ANK3: variants seen among roughly 807,000 people sequenced by gnomAD.
ANK3 encodes the protein ankyrin-3.
ANK3 carries 57 observed loss-of-function variants against 370.9 expected under a neutral mutation model. The ratio of observed to expected loss-of-function variants is 0.15; its 90% confidence interval spans 0.12 to 0.19. The LOEUF (loss-of-function observed/expected upper bound fraction) is 0.19. Ranked by LOEUF, ANK3 falls within the 10% of genes least tolerant of loss-of-function variation. The probability of loss-of-function intolerance (pLI) is 1.00; values close to 1 mark genes in which losing one functional copy is unlikely to be tolerated. For synonymous variants in ANK3, 1,929 were observed against 1,946.3 expected (o/e 0.99, Z 0.23); for missense variants, 4,439 against 5,302.1 (o/e 0.84, Z 5.06).
At chr10:60,733,220 T>A in intron 1 of ANK3, 1 of 1,236,402 alleles carries the variant, frequency 8.1e-7, no homozygotes, top group Non-Finnish European at 1.0e-6. Flanking sequence ...CGCATGCCCC[T>A]GGGTGAAGGC....
At chr10:60,516,649 T>A (rs554458245) in intron 2 of ANK3, among the ~76,000 whole-genome samples, 1 of 152,248 alleles carries the variant, frequency 6.6e-6, no homozygotes, top group Non-Finnish European at 1.5e-5. Context: ...TAGTTAGTAG[T>A]GAGCTCCTAT....
At chr10:60,525,219 A>G (rs1271647981) in intron 2 of ANK3, among the ~76,000 whole-genome samples, 3 of 152,088 alleles carry the variant, frequency 2.0e-5, no homozygotes, top group Non-Finnish European at 4.4e-5. Flanking sequence ...TTATAAATAT[A>G]AACATCCATC....
intron 2 of ANK3, among the ~76,000 whole-genome samples, chr10:60,594,251 G>A (rs1032168047): frequency 6.6e-6 from 1 of 151,730 alleles, no homozygotes; most frequent in African/African-American, 2.4e-5. Context: ...ATGTTTCTTT[G>A]TAAAGATTGT....
chr10:60,582,688 T>G (rs1472451988), intron 2 of ANK3, among the ~76,000 whole-genome samples: 2 of 149,990 alleles, frequency 1.3e-5, no homozygotes, highest in Non-Finnish European at 3.0e-5. Flanking sequence ...TATAAATATA[T>G]TGATTCCTTC....
rs1197615030 is a variant in ANK3 at position 60,471,097 on chromosome 10, C to CA, written c.96+144088dup. On this transcript the variant is annotated intron_variant, in intron 2 of 43. Coordinates refer to the ANK3 transcript ENST00000373827. ...CATGTGTTGTCTCATTTGACATTTA[C>CA]AAAAAAGACCCCAAATCACACCATA... Among the ~76,000 whole-genome samples the CA allele has an allele frequency of 2.0e-5, 3 of 152,074 alleles. No individual in the cohort carries two copies. The East Asian group carries it at 5.8e-4, about 29-fold the overall frequency.
chr10:60,465,739 C>G (rs1434755912), intron 2 of ANK3, among the ~76,000 whole-genome samples: 1 of 149,822 alleles, frequency 6.7e-6, no homozygotes, highest in Non-Finnish European at 1.5e-5. Context: ...TGCTTTACAG[C>G]AGTGTAAGAA....
At chr10:60,693,545 G>A (rs1385559037) in intron 1 of ANK3, among the ~76,000 whole-genome samples, 1 of 152,228 alleles carries the variant, frequency 6.6e-6, no homozygotes, top group Non-Finnish European at 1.5e-5. Context: ...GTATGCAGCT[G>A]GAGATCTGAG....
chr10:60,140,238 T>G (rs766729263), intron 23 of ANK3: 17 of 1,129,596 alleles, frequency 1.5e-5, no homozygotes, highest in Non-Finnish European at 2.0e-5. Context: ...TTTCTACTGC[T>G]GCTACCCAGT....
intron 2 of ANK3, among the ~76,000 whole-genome samples, chr10:60,449,223 C>T (rs1460464475): frequency 6.6e-6 from 1 of 152,132 alleles, no homozygotes; most frequent in South Asian, 2.1e-4. Flanking sequence ...GTAACCCATA[C>T]ATTTTCTAGT....
intron 1 of ANK3, among the ~76,000 whole-genome samples, chr10:60,653,938 G>T (rs1227765792): frequency 6.6e-6 from 1 of 152,138 alleles, no homozygotes; most frequent in Non-Finnish European, 1.5e-5. Flanking sequence ...CACTATAGAT[G>T]AATTCAAGGA....
intron 2 of ANK3, among the ~76,000 whole-genome samples, chr10:60,496,184 C>T (rs1226658527): frequency 6.6e-6 from 1 of 152,140 alleles, no homozygotes; most frequent in Non-Finnish European, 1.5e-5. Context: ...ACATGGAACT[C>T]TACTTGCTGT....
At chr10:60,693,019 C>G (rs983272251) in intron 1 of ANK3, among the ~76,000 whole-genome samples, 2 of 152,206 alleles carry the variant, frequency 1.3e-5, no homozygotes, top group Admixed American at 6.5e-5. Flanking sequence ...GAGTGCCAGA[C>G]AGTGGGCGCA....
intron 1 of ANK3, among the ~76,000 whole-genome samples, chr10:60,683,117 T>C (rs186684827): frequency 1.3e-5 from 2 of 152,214 alleles, no homozygotes; most frequent in East Asian, 3.9e-4. Flanking sequence ...AACCCCCGCA[T>C]CTTTGGTCAC....
chr10:60,690,363 A>G (rs1054551508), intron 1 of ANK3, among the ~76,000 whole-genome samples: 5 of 152,142 alleles, frequency 3.3e-5, no homozygotes, highest in African/African-American at 1.2e-4. Context: ...GGTTCCTGGA[A>G]AATCGGGACA....
chr10:60,427,095 A>T (rs2063904874), intron 2 of ANK3, among the ~76,000 whole-genome samples: 1 of 152,180 alleles, frequency 6.6e-6, no homozygotes, highest in Non-Finnish European at 1.5e-5. Flanking sequence ...ACAACTGAGC[A>T]TTTGCTGAAG....
intron 23 of ANK3, among the ~76,000 whole-genome samples, chr10:60,157,114 TGCAACCTCCGCCTCCCA>T: frequency 6.6e-6 from 1 of 150,838 alleles, no homozygotes; most frequent in East Asian, 2.0e-4. Flanking sequence ...CTCGGCTCAC[TGCAACCTCCGCCTCCCA>T]GGTTCAAGCC....
intron 1 of ANK3, among the ~76,000 whole-genome samples, chr10:60,652,471 G>T (rs2078802524): frequency 6.6e-6 from 1 of 151,916 alleles, no homozygotes; most frequent in Non-Finnish European, 1.5e-5. Flanking sequence ...CTTGAAAAAG[G>T]TCTTATTAAG....
chr10:60,365,156 C>A (rs1398013403), intron 1 of ANK3, among the ~76,000 whole-genome samples: 1 of 116,012 alleles, frequency 8.6e-6, no homozygotes, highest in Non-Finnish European at 2.0e-5. Context: ...AAATGAAAAA[C>A]TTCTTATATT....
intron 1 of ANK3, among the ~76,000 whole-genome samples, chr10:60,345,414 C>T (rs1027607612): frequency 6.6e-6 from 1 of 152,138 alleles, no homozygotes; most frequent in Non-Finnish European, 1.5e-5. Flanking sequence ...CTGTTACCAA[C>T]ATTTTGCAAA....
Sources: allele counts gnomAD v4.1 joint callset (sites outside exome capture counted in the v4.1 genomes callset), GRCh38; gene constraint gnomAD v4.1.1; transcripts MANE v1.5; gene names NCBI Gene and HGNC (gene_info 2026-07-23, HGNC 2026-07-21).